Variants in CTPS1 observed in about 807,000 individuals in gnomAD.
The protein encoded by CTPS1 is CTP synthetase 1.
A neutral mutation model predicts 80.5 loss-of-function variants in CTPS1; 25 were observed. The observed-to-expected ratio is 0.31, with a 90% CI of 0.23 to 0.43. CTPS1 has a LOEUF of 0.43. Ranked by LOEUF, CTPS1 falls within the 20% of genes least tolerant of loss-of-function variation. The pLI is 1.00. For synonymous variants in CTPS1, 267 were observed against 252.5 expected, an observed-to-expected ratio of 1.06 and a Z score of -0.54; for missense variants, 442 against 725.7, an observed-to-expected ratio of 0.61 and a Z score of 4.49.
rs752729298 is a variant in CTPS1, at chr1:41,001,100, G to C, written c.1077G>C (p.Gln359His). 10 of 1,611,968 alleles carry C rather than the reference G, an allele frequency of 6.2e-6. No individual in the cohort carries two copies. The highest frequency in any genetic ancestry group is 5.9e-6 in the Non-Finnish European group (7 of 1,179,266). ...CCGTGCGCTACCACGAAGCTTGGCA[G>C]AAGCTCTGTAGTGCTCAGTGAGTAG... ...EEPVRYHEAW[Q>H]KLCSAHGVLV... Residue 359 changes from glutamine to histidine, a missense_variant, in exon 10 of 19, where the codon CAG (glutamine) becomes CAC (histidine). Transcript: ENST00000650070.
At chr1:40,985,047 C>T in intron 3 of CTPS1, 56 bp downstream of exon 3, 1 of 1,279,558 alleles carries the variant, frequency 7.8e-7, no homozygotes, top group Non-Finnish European at 1.1e-6. Context: ...AATTTCTTCT[C>T]CCTCCCACCT....
rs1643094976 is a variant in CTPS1, at chr1:41,008,665, T to C, written c.1400T>C (p.Leu467Pro). The C allele has an allele frequency of 1.2e-6, 2 of 1,614,016 alleles. No individual in the cohort carries two copies. Among genetic ancestry groups the C allele is most frequent in the Non-Finnish European group, 1.7e-6 (2 of 1,180,000 alleles). Residue 467 changes from leucine (L) to proline (P), a missense_variant, in exon 15 of 19, where the codon CTC (leucine) becomes CCC (proline). Physicochemically the swap from Leu to Pro is moderately conservative, Grantham distance 98 (BLOSUM62 -3). This residue lies in a region of CTPS1 where 321 missense variants were observed against 467.2 expected (regional missense o/e 0.69). Transcript: ENST00000650070. ...FQTKNSVMRK[L>P]YGDADYLEER... ...AGCCCGTTTGTTTTGCCAGGGAAACTCTATGGAGACGCAGACTACTTGGAA... is the reference window on the plus strand; with the variant it reads ...AGCCCGTTTGTTTTGCCAGGGAAACCCTATGGAGACGCAGACTACTTGGAA...
chr1:41,001,768 T>C (rs1475540142), intron 10 of CTPS1, among the ~76,000 whole-genome samples: 2 of 151,950 alleles, frequency 1.3e-5, no homozygotes, highest in African/African-American at 2.4e-5. Context: ...CAAAACCAGC[T>C]GGGTGTGGTC....
chr1:41,003,276 C>A, intron 12 of CTPS1, 100 bp downstream of exon 12: 1 of 1,335,680 alleles, frequency 7.5e-7, no homozygotes, highest in Non-Finnish European at 1.1e-6. Flanking sequence ...TGGAGAAGGG[C>A]AGGCCTGGGT....
intron 17 of CTPS1, 52 bp downstream of exon 17, chr1:41,009,641 G>A (rs1643120685): frequency 6.2e-7 from 1 of 1,602,038 alleles, no homozygotes; most frequent in Non-Finnish European, 8.5e-7. Context: ...AGTCCTTTAG[G>A]TGGTCGCTGA....
At chr1:41,010,022 A>T in intron 17 of CTPS1, 139 bp from the exon 18 acceptor site, 1 of 603,872 alleles carries the variant, frequency 1.7e-6, no homozygotes, top group Non-Finnish European at 3.0e-6. Context: ...TTTCATGTTA[A>T]ATATATTATG....
intron 8 of CTPS1, 63 bp from the exon 9 acceptor site, chr1:40,997,331 T>A (rs1642779652): frequency 1.3e-6 from 2 of 1,548,044 alleles, no homozygotes; most frequent in Non-Finnish European, 1.7e-6. Context: ...AAATAGCTAT[T>A]TTGGTCTCAT....
At position 41,010,167 on chromosome 1, in the gene CTPS1, C is replaced by G; in HGVS notation, c.1698C>G (p.Thr566=). ...AACCATCTGAATTCTACAGGGACAC[C>G]TATAGTGACAGGAGTGGAAGCAGCT... The part of the protein sequence containing the change: ...QKGCRLSPRD[T]YSDRSGSSSP... The change falls in exon 18 of 19, where the codon ACC becomes ACG. Residue 566 remains threonine (T), a synonymous_variant. Coordinates refer to ENST00000650070, the MANE Select transcript of CTPS1 (RefSeq NM_001905.4). 1 of 1,613,124 alleles carries G rather than the reference C, an allele frequency of 6.2e-7. No homozygotes were observed. Among genetic ancestry groups the G allele is most frequent in the Non-Finnish European group, 8.5e-7 (1 of 1,179,082 alleles).
intron 1 of CTPS1, chr1:40,982,008 G>C (rs567651072): frequency 2.3e-6 from 3 of 1,288,912 alleles, no homozygotes; most frequent in East Asian, 1.1e-4. Context: ...AGCATTTTCT[G>C]CTACTTTCTA....
chr1:40,988,997 A>T (rs768279788), intron 5 of CTPS1, among the ~76,000 whole-genome samples: 1 of 152,202 alleles, frequency 6.6e-6, no homozygotes, highest in Non-Finnish European at 1.5e-5. Flanking sequence ...TTTAAAGACA[A>T]ATCTTGTGGA....
intron 5 of CTPS1, 93 bp downstream of exon 5, chr1:40,988,803 T>G: frequency 1.2e-6 from 1 of 804,886 alleles, no homozygotes; most frequent in Non-Finnish European, 2.1e-6. Context: ...TCTAGTAGTT[T>G]TCACTTGAGG....
intron 3 of CTPS1, 77 bp downstream of exon 3, chr1:40,985,068 G>A (rs1642419301): frequency 2.0e-6 from 2 of 1,018,578 alleles, no homozygotes; most frequent in African/African-American, 3.3e-5. Context: ...CTACACAGAT[G>A]TGTAATTCCC....
intron 8 of CTPS1, 139 bp downstream of exon 8, chr1:40,996,207 A>T (rs1476141453): frequency 1.1e-6 from 1 of 911,144 alleles, no homozygotes; most frequent in Non-Finnish European, 1.7e-6. Flanking sequence ...GTAGTAAGAG[A>T]TGTTCAGAAA....
chr1:41,008,859 A>G lies in CTPS1; in HGVS notation c.1515A>G (p.Glu505=), dbSNP rs774716059. 4 of 1,614,194 alleles carry G rather than the reference A, an allele frequency of 2.5e-6. No homozygotes were observed. The highest frequency in any genetic ancestry group is 2.5e-6 in the Non-Finnish European group (3 of 1,179,998). ...TGAAGTTTGTTGGCCAAGATGTTGAAGGAGAGAGAATGGAAATTGTGGAGT... is the reference window on the plus strand; with the variant it reads ...TGAAGTTTGTTGGCCAAGATGTTGAGGGAGAGAGAATGGAAATTGTGGAGT... ...QGLKFVGQDV[E]GERMEIVELE... The change falls in exon 16 of 19, where the codon GAA becomes GAG. Residue 505 remains glutamate (E), a synonymous_variant. Coordinates refer to ENST00000650070, the MANE Select transcript of CTPS1 (RefSeq NM_001905.4).
intron 13 of CTPS1, 59 bp downstream of exon 13, chr1:41,006,153 A>C: frequency 7.3e-7 from 1 of 1,365,312 alleles, no homozygotes; most frequent in Non-Finnish European, 1.0e-6. Context: ...GGCATTTATG[A>C]ACGTGATTGA....
chr1:40,990,627 A>G (rs1197970850), intron 5 of CTPS1, among the ~76,000 whole-genome samples: 1 of 152,198 alleles, frequency 6.6e-6, no homozygotes, highest in Non-Finnish European at 1.5e-5. Flanking sequence ...TCGATTTAAA[A>G]AAAAAGAAAA....
intron 1 of CTPS1, chr1:40,981,928 T>C: frequency 1.4e-5 from 18 of 1,254,334 alleles, no homozygotes; most frequent in Non-Finnish European, 1.9e-5. Flanking sequence ...TTCCTTAGTT[T>C]ATTTTTATCA....
At chr1:41,000,307 A>G (rs755146517) in intron 9 of CTPS1, among the ~76,000 whole-genome samples, 3 of 152,040 alleles carry the variant, frequency 2.0e-5, no homozygotes, top group Non-Finnish European at 4.4e-5. Context: ...CAGTGGCATG[A>G]TCCCAGTTCA....
At chr1:40,985,743 C>G (rs879830124) in intron 3 of CTPS1, among the ~76,000 whole-genome samples, 1 of 152,052 alleles carries the variant, frequency 6.6e-6, no homozygotes, top group Non-Finnish European at 1.5e-5. Flanking sequence ...CTGGGGCTGC[C>G]CTGGCAAGAT....
Sources: allele counts gnomAD v4.1 joint callset (sites outside exome capture counted in the v4.1 genomes callset), GRCh38; gene constraint gnomAD v4.1.1; regional missense constraint gnomAD v4.1.1; transcripts MANE v1.5; gene names NCBI Gene and HGNC (gene_info 2026-07-23, HGNC 2026-07-21).